Variants in EPHB1 observed in about 807,000 individuals in gnomAD.
EPHB1 encodes the protein ephrin type-B receptor 1.
A neutral mutation model predicts 94.4 loss-of-function variants in EPHB1; 30 were observed. The ratio of observed to expected loss-of-function variants is 0.32; its 90% CI spans 0.24 to 0.43. EPHB1 has a LOEUF of 0.43. Ranked by LOEUF, EPHB1 falls within the 20% of genes least tolerant of loss-of-function variation. EPHB1 has a pLI of 1.00. For missense variants in EPHB1, 1,055 were observed against 1,308.3 expected (o/e 0.81, Z 2.99); for synonymous variants, 522 against 489.1 (o/e 1.07, Z -0.89).
intron 12 of EPHB1, among the ~76,000 whole-genome samples, chr3:135,231,580 C>T (rs1383907737): frequency 6.6e-6 from 1 of 152,150 alleles, no homozygotes; most frequent in Non-Finnish European, 1.5e-5. Flanking sequence ...CAGCAAGGAC[C>T]CCACCCGATT....
At chr3:135,237,542 C>T (rs1021252546) in intron 12 of EPHB1, among the ~76,000 whole-genome samples, 7 of 152,008 alleles carry the variant, frequency 4.6e-5, no homozygotes, top group Non-Finnish European at 1.0e-4. Flanking sequence ...GTGACCCCTG[C>T]GGCAGCTCTA....
At chr3:135,242,622 T>C (rs1224548083) in intron 13 of EPHB1, among the ~76,000 whole-genome samples, 1 of 152,136 alleles carries the variant, frequency 6.6e-6, no homozygotes, top group African/African-American at 2.4e-5. Flanking sequence ...ATGGCTGGTG[T>C]CTAGGTCCTC....
At chr3:135,249,627 G>A (rs1932983914) in intron 15 of EPHB1, 136 bp downstream of exon 15, 1 of 943,780 alleles carries the variant, frequency 1.1e-6, no homozygotes, top group East Asian at 2.6e-5. Context: ...CCTGGATGGG[G>A]AGCACCTTGG....
At chr3:135,062,637 G>A (rs1937530336) in intron 3 of EPHB1, among the ~76,000 whole-genome samples, 1 of 152,156 alleles carries the variant, frequency 6.6e-6, no homozygotes, top group Non-Finnish European at 1.5e-5. Context: ...TCTGTGGGCT[G>A]TCTGTTTACT....
At chr3:135,149,676 GAA>G (rs1941131227) in intron 5 of EPHB1, among the ~76,000 whole-genome samples, 1 of 152,224 alleles carries the variant, frequency 6.6e-6, no homozygotes, top group Non-Finnish European at 1.5e-5. Context: ...GGGAGGATAA[GAA>G]ATGCTTTCTT....
intron 1 of EPHB1, among the ~76,000 whole-genome samples, chr3:134,886,051 G>A (rs2037855906): frequency 6.6e-6 from 1 of 152,202 alleles, no homozygotes; most frequent in Admixed American, 6.5e-5. Flanking sequence ...TTCCTTGGGG[G>A]AAGGTGGTGA....
At chr3:135,252,731 A>T (rs1477515562) in intron 15 of EPHB1, among the ~76,000 whole-genome samples, 1 of 142,024 alleles carries the variant, frequency 7.0e-6, no homozygotes, top group Non-Finnish European at 1.5e-5. Context: ...GTATATACCC[A>T]GTAATGGGAT....
intron 3 of EPHB1, among the ~76,000 whole-genome samples, chr3:135,038,310 C>T (rs1028873404): frequency 1.9e-4 from 29 of 152,236 alleles, no homozygotes; most frequent in Admixed American, 1.7e-3. Context: ...GACTAATGGA[C>T]TGTGGCAAAA....
chr3:134,850,591 G>A (rs748286446), intron 1 of EPHB1, among the ~76,000 whole-genome samples: 25 of 152,348 alleles, frequency 1.6e-4, no homozygotes, highest in Non-Finnish European at 2.8e-4. Context: ...GCAGGAAGAG[G>A]CCTGTGTCCC....
At chr3:134,811,962 T>C (rs1283871243) in intron 1 of EPHB1, among the ~76,000 whole-genome samples, 1 of 152,078 alleles carries the variant, frequency 6.6e-6, no homozygotes, top group East Asian at 1.9e-4. Flanking sequence ...AGCACAGGAG[T>C]AACTCAGAAG....
At position 135,106,617 on chromosome 3, in the gene EPHB1, A is replaced by G; in HGVS notation, c.961+14A>G. 1 of 1,613,852 alleles carries G rather than the reference A, an allele frequency of 6.2e-7. No homozygotes were observed. The highest frequency in any genetic ancestry group is 1.1e-5 in the South Asian group (1 of 91,076). On this transcript the variant is annotated intron_variant, in intron 4 of 15. Coordinates refer to ENST00000398015, the MANE Select transcript of EPHB1 (RefSeq NM_004441.5). ...TGGCATGCACTAGTAAGTGTCTAGT[A>G]ATGGCTCTGGGCTGGGGAGTTTGGT...
chr3:135,022,696 TC>T (rs1321314557), intron 3 of EPHB1, among the ~76,000 whole-genome samples: 1 of 152,184 alleles, frequency 6.6e-6, no homozygotes, highest in Admixed American at 6.5e-5. Context: ...GACAACACTG[TC>T]TGTTGTTGTA....
chr3:134,846,889 A>G (rs34346144), intron 1 of EPHB1, among the ~76,000 whole-genome samples: 138 of 152,260 alleles, frequency 9.1e-4, no homozygotes, highest in Non-Finnish European at 1.7e-3. Context: ...AAAACAAAAG[A>G]ATCCATTTAT....
intron 1 of EPHB1, among the ~76,000 whole-genome samples, chr3:134,809,382 T>TA (rs1553852866): frequency 1.7e-3 from 239 of 139,494 alleles, no homozygotes; most frequent in Middle Eastern, 3.5e-3. Flanking sequence ...TTTTTTTTTT[T>TA]AAAAAAACAC....
intron 3 of EPHB1, among the ~76,000 whole-genome samples, chr3:135,011,268 C>A (rs1440949700): frequency 6.6e-6 from 1 of 152,130 alleles, no homozygotes; most frequent in Non-Finnish European, 1.5e-5. Context: ...ATTTTTACTT[C>A]TTTTAGGTCA....
chr3:135,095,252 G>A (rs185490853), intron 3 of EPHB1, among the ~76,000 whole-genome samples: 1 of 152,272 alleles, frequency 6.6e-6, no homozygotes, highest in Admixed American at 6.5e-5. Context: ...CAGGACAGCA[G>A]GGACACAAGC....
intron 12 of EPHB1, among the ~76,000 whole-genome samples, chr3:135,208,929 A>G (rs2107715486): frequency 6.6e-6 from 1 of 152,308 alleles, no homozygotes; most frequent in Admixed American, 6.5e-5. Flanking sequence ...GGAAAATGTG[A>G]GATGAGACCA....
At chr3:134,824,532 A>G (rs964831769) in intron 1 of EPHB1, among the ~76,000 whole-genome samples, 4 of 152,230 alleles carry the variant, frequency 2.6e-5, no homozygotes, top group African/African-American at 9.6e-5. Flanking sequence ...TACAGCAGTT[A>G]TCTCCCATCC....
At chr3:135,242,212 A>G (rs1943802506) in intron 13 of EPHB1, among the ~76,000 whole-genome samples, 1 of 152,172 alleles carries the variant, frequency 6.6e-6, no homozygotes, top group African/African-American at 2.4e-5. Flanking sequence ...TGAGAGGATT[A>G]CAATTTGCAA....
Sources: gnomAD v4.1 joint callset for allele counts (sites outside exome capture counted in the v4.1 genomes callset) on GRCh38, gnomAD v4.1.1 for gene constraint, MANE v1.5 for transcripts, NCBI Gene and HGNC (gene_info 2026-07-23, HGNC 2026-07-21) for gene names.